The following DLGAP1 variants were observed in gnomAD, a reference collection of about 807,000 sequenced individuals.
DLGAP1 encodes the protein disks large-associated protein 1.
In DLGAP1, 11 loss-of-function variants were observed where a neutral mutation model predicts 90.8. The observed-to-expected ratio is 0.12, with a 90% CI of 0.08 to 0.20. The LOEUF is 0.20. DLGAP1 is among the 10% of genes least tolerant of loss of function. The probability of loss-of-function intolerance (pLI) is 1.00; values close to 1 mark genes in which losing one functional copy is unlikely to be tolerated. For missense variants in DLGAP1, 1,050 were observed against 1,333.8 expected (o/e 0.79, Z 3.31); for synonymous variants, 558 against 540.7 (o/e 1.03, Z -0.44).
chr18:4,450,852 A>G (rs1012490586), intron 1 of DLGAP1, among the ~76,000 whole-genome samples: 1 of 152,240 alleles, frequency 6.6e-6, no homozygotes, highest in Admixed American at 6.5e-5. Context: ...GCATCTTCAT[A>G]ACATATTCAG....
At chr18:3,608,845 T>C (rs185897896) in intron 7 of DLGAP1, among the ~76,000 whole-genome samples, 1 of 152,164 alleles carries the variant, frequency 6.6e-6, no homozygotes, top group Non-Finnish European at 1.5e-5. Flanking sequence ...TCTGAAACTT[T>C]TCATTTTTTT....
chr18:4,205,101 T>A (rs897947293), intron 1 of DLGAP1, among the ~76,000 whole-genome samples: 2 of 152,142 alleles, frequency 1.3e-5, no homozygotes, highest in Non-Finnish European at 1.5e-5. Context: ...TACAAGTTGC[T>A]GTGGGAACCC....
At chr18:3,665,093 C>T (rs987402020) in intron 7 of DLGAP1, among the ~76,000 whole-genome samples, 9 of 151,964 alleles carry the variant, frequency 5.9e-5, no homozygotes, top group Non-Finnish European at 1.3e-4. Context: ...GGTGTGTGGG[C>T]GCAGGAATGC....
rs112338095 is a variant in DLGAP1, at chr18:4,454,406, T to TTCTCTCTATCTCTCTCTCTC, written c.-267+599_-267+600insGAGAGAGAGAGATAGAGAGA. On this transcript the variant is annotated intron_variant, in intron 1 of 12. Coordinates refer to ENST00000315677, the MANE Select transcript of DLGAP1 (RefSeq NM_004746.4). The surrounding 1 kb of genome is among the most constrained non-coding windows in gnomAD (Gnocchi z 4.7). ...CAGTGACCTCCTCCTTGGACCCCAT[T>TTCTCTCTATCTCTCTCTCTC]TCTCTCTCTCTCTCTCTCTCTGTGC... Among the ~76,000 whole-genome samples, 2 of 150,654 alleles carry TTCTCTCTATCTCTCTCTCTC rather than the reference T, an allele frequency of 1.3e-5. No individual in the cohort carries two copies. The highest frequency in any genetic ancestry group is 3.0e-5 in the Non-Finnish European group (2 of 67,488).
chr18:4,000,517 G>T (rs1240012615), intron 3 of DLGAP1, among the ~76,000 whole-genome samples: 1 of 152,128 alleles, frequency 6.6e-6, no homozygotes, highest in Non-Finnish European at 1.5e-5. Flanking sequence ...TCTACTTAAT[G>T]CTCACCGCCA....
At chr18:3,740,799 C>T (rs1161645632) in intron 6 of DLGAP1, among the ~76,000 whole-genome samples, 5 of 151,014 alleles carry the variant, frequency 3.3e-5, no homozygotes, top group Admixed American at 2.6e-4. Context: ...ACCATCATAA[C>T]CACCACCGCC....
At chr18:3,851,850 T>C (rs528509069) in intron 4 of DLGAP1, among the ~76,000 whole-genome samples, 2 of 151,636 alleles carry the variant, frequency 1.3e-5, no homozygotes, top group South Asian at 4.2e-4. Context: ...CAAAGCAGAG[T>C]TGTAAGAACT....
intron 1 of DLGAP1, among the ~76,000 whole-genome samples, chr18:4,170,498 A>G (rs527299849): frequency 6.6e-6 from 1 of 152,282 alleles, no homozygotes; most frequent in African/African-American, 2.4e-5. Context: ...TAATTTAAGC[A>G]AGAATACAGT....
Position 4,292,633 on chromosome 18 carries a change from A to T in DLGAP1, c.-266-141346T>A, listed in dbSNP as rs111758053. On this transcript the variant is annotated intron_variant, in intron 1 of 12. Coordinates refer to ENST00000315677, the MANE Select transcript of DLGAP1 (RefSeq NM_004746.4). ...TATGTCTTTGAAATAAATAATTTCT[A>T]CATCTTTAAAGCAATATATTTCCAG... 9.2e-3 allele frequency among the ~76,000 whole-genome samples: 1,407 copies of T among 152,284 alleles called. 27 individuals are homozygous for T. Among genetic ancestry groups the T allele is most frequent in the African/African-American group, 0.033 (1,357 of 41,560 alleles).
At chr18:3,963,281 AC>A (rs5822776) in intron 3 of DLGAP1, among the ~76,000 whole-genome samples, 144,993 of 152,134 alleles carry the variant, frequency 0.95, 69,179 homozygotes, top group Non-Finnish European at 0.97. Flanking sequence ...TGCCCCCCTC[AC>A]CCCCCAGGGT....
intron 3 of DLGAP1, among the ~76,000 whole-genome samples, chr18:3,912,421 G>A (rs1054463790): frequency 6.6e-6 from 1 of 152,090 alleles, no homozygotes; most frequent in Non-Finnish European, 1.5e-5. Context: ...TATTCTCCCA[G>A]GTACTATTAC....
At chr18:4,237,483 C>CG (rs2078443103) in intron 1 of DLGAP1, among the ~76,000 whole-genome samples, 1 of 151,976 alleles carries the variant, frequency 6.6e-6, no homozygotes, top group African/African-American at 2.4e-5. Flanking sequence ...TGGGGAAGGA[C>CG]GGGGGTTGAG....
At chr18:3,648,232 A>G (rs1382526108) in intron 7 of DLGAP1, among the ~76,000 whole-genome samples, 1 of 152,256 alleles carries the variant, frequency 6.6e-6, no homozygotes. Flanking sequence ...AAACATTGCT[A>G]GAAAAATCCT....
rs141716526 is a variant in DLGAP1 at position 3,907,633 on chromosome 18, T to C, written c.-72-27493A>G. ...GAAGAGGTGAAGATTCCCCAGCAGT[T>C]GTAAACATGCAGGAAGAGGCATGTG... On this transcript the variant is annotated intron_variant, in intron 3 of 12. Coordinates refer to ENST00000315677, the MANE Select transcript of DLGAP1 (RefSeq NM_004746.4). 3.5e-3 allele frequency among the ~76,000 whole-genome samples: 535 copies of C among 152,276 alleles called. 6 individuals carry two copies. The highest frequency in any genetic ancestry group is 0.028 in the South Asian group (136 of 4,828).
intron 2 of DLGAP1, among the ~76,000 whole-genome samples, chr18:4,138,689 T>C (rs2076446640): frequency 6.6e-6 from 1 of 152,100 alleles, no homozygotes; most frequent in Non-Finnish European, 1.5e-5. Flanking sequence ...CCTCTATTTT[T>C]CAGCAGAGTT....
chr18:4,335,735 C>A (rs1371194964), intron 1 of DLGAP1, among the ~76,000 whole-genome samples: 3 of 152,120 alleles, frequency 2.0e-5, no homozygotes, highest in African/African-American at 4.8e-5. Context: ...TGTTTTAAGT[C>A]CTCAGGAATC....
intron 2 of DLGAP1, among the ~76,000 whole-genome samples, chr18:4,089,513 A>C (rs531635699): frequency 6.6e-6 from 1 of 152,332 alleles, no homozygotes; most frequent in South Asian, 2.1e-4. Context: ...AAGCAAAAAA[A>C]ACAAAGCTGA....
At chr18:3,646,346 T>C (rs1246542234) in intron 7 of DLGAP1, among the ~76,000 whole-genome samples, 1 of 151,866 alleles carries the variant, frequency 6.6e-6, no homozygotes, top group Non-Finnish European at 1.5e-5. Flanking sequence ...TGAGCTGAGA[T>C]TGTATCACTG....
At chr18:3,619,968 CA>C (rs374915211) in intron 7 of DLGAP1, among the ~76,000 whole-genome samples, 4,620 of 140,434 alleles carry the variant, frequency 0.033, 80 homozygotes, top group African/African-American at 0.063. Flanking sequence ...AGGTGCATGC[CA>C]CCATGCCTGG....
Sources: gnomAD v4.1 joint callset for allele counts (sites outside exome capture counted in the v4.1 genomes callset) on GRCh38, gnomAD v4.1.1 for gene constraint, Gnocchi (gnomAD v3.1) non-coding constraint, MANE v1.5 for transcripts, NCBI Gene and HGNC (gene_info 2026-07-23, HGNC 2026-07-21) for gene names.